The following ZNF140 variants were observed in gnomAD, a reference collection of about 807,000 sequenced individuals.
ZNF140 encodes zinc finger protein 140, also known as zinc finger protein 140 (clone pHZ-39).
ZNF140 carries 13 observed loss-of-function variants against 12.9 expected under a neutral mutation model. That is an observed-to-expected ratio of 1.01 (90% confidence interval 0.66 to 1.60). The LOEUF is 1.60. ZNF140 is among the 40% of genes most tolerant of loss of function. The pLI, the probability that ZNF140 is intolerant of heterozygous loss-of-function variation, is 0.00. For missense variants in ZNF140, 531 were observed against 548.8 expected, an observed-to-expected ratio of 0.97 and a Z score of 0.32; for synonymous variants, 214 against 186.7, an observed-to-expected ratio of 1.15 and a Z score of -1.19.
rs753312240 is a variant in ZNF140 at position 133,105,932 on chromosome 12, T to C, written c.655T>C (p.Cys219Arg). 3.7e-6 allele frequency: 6 copies of C among 1,614,102 alleles called. No homozygotes were observed. The highest frequency in any genetic ancestry group is 5.1e-6 in the Non-Finnish European group (6 of 1,180,012). ...ACATACTGGAAAGAAACCCCATGAG[T>C]GTAAGGACTGTAATAAAACATTCAG... Reference protein sequence around the residue: ...MIHTGKKPHECKDCNKTFSYL... With the variant: ...MIHTGKKPHERKDCNKTFSYL... Residue 219 changes from cysteine to arginine, a missense_variant, in exon 5 of 5, where the codon TGT becomes CGT. Physicochemically the swap from Cys to Arg is radical, Grantham distance 180. Coordinates refer to ENST00000355557, the MANE Select transcript of ZNF140 (RefSeq NM_003440.4).
At chr12:133,092,998 C>T (rs1954945566) in intron 4 of ZNF140, among the ~76,000 whole-genome samples, 1 of 150,954 alleles carries the variant, frequency 6.6e-6, no homozygotes, top group Non-Finnish European at 1.5e-5. Flanking sequence ...TCATTTGTGA[C>T]CCGATTGACA....
chr12:133,094,754 T>C (rs1955007996), intron 4 of ZNF140, among the ~76,000 whole-genome samples: 2 of 151,124 alleles, frequency 1.3e-5, no homozygotes, highest in South Asian at 4.2e-4. Context: ...GCAGCAAGCG[T>C]AGTTTCAGGC....
chr12:133,086,589 G>A (rs925961855), intron 4 of ZNF140, among the ~76,000 whole-genome samples: 5 of 152,068 alleles, frequency 3.3e-5, no homozygotes, highest in Non-Finnish European at 7.4e-5. Context: ...TCTTTCACAT[G>A]TGGCTTTTTT....
At chr12:133,105,488 C>CTT (rs145499725) in intron 4 of ZNF140, 22 bp from the exon 5 acceptor site, 838 of 1,511,356 alleles carry the variant, frequency 5.5e-4, no homozygotes, top group South Asian at 1.0e-3. Flanking sequence ...GAAACATTCA[C>CTT]TTTTTTTTTG....
In ZNF140 at chr12:133,105,654, A is replaced by G. The variant is rs1207742936; in HGVS notation, c.377A>G (p.His126Arg). 1.2e-5 allele frequency: 20 copies of G among 1,614,110 alleles called. No individual in the cohort carries two copies. Among genetic ancestry groups the G allele is most frequent in the Non-Finnish European group, 1.6e-5 (19 of 1,180,058 alleles). The part of the protein sequence containing the change: ...SFKGGWKCKD[H>R]TEMLQENQGC... Reference sequence around the variant, plus strand: ...AAAGGAGGCTGGAAATGCAAGGATCATACTGAGATGCTGCAAGAAAATCAG... The same window carrying G: ...AAAGGAGGCTGGAAATGCAAGGATCGTACTGAGATGCTGCAAGAAAATCAG... Residue 126 changes from histidine to arginine, a missense_variant, in exon 5 of 5, where the codon CAT (histidine) becomes CGT (arginine). By Grantham distance (29) the His-to-Arg change is conservative (BLOSUM62 0). Transcript: ENST00000355557.
intron 4 of ZNF140, among the ~76,000 whole-genome samples, chr12:133,090,783 C>T (rs1954834507): frequency 3.5e-5 from 5 of 140,954 alleles, no homozygotes; most frequent in Admixed American, 7.3e-5. Flanking sequence ...AGGAGAAGGT[C>T]AGCAAAAAAC....
At chr12:133,089,229 T>C (rs931704390) in intron 4 of ZNF140, among the ~76,000 whole-genome samples, 1 of 152,020 alleles carries the variant, frequency 6.6e-6, no homozygotes, top group Admixed American at 6.6e-5. Context: ...TTTTTTTTTT[T>C]CGAGGCAGGG....
intron 4 of ZNF140, among the ~76,000 whole-genome samples, chr12:133,087,663 A>G (rs1954718830): frequency 6.6e-6 from 1 of 152,194 alleles, no homozygotes; most frequent in South Asian, 2.1e-4. Flanking sequence ...ATGCTGAACT[A>G]AAGTAGACAT....
At chr12:133,103,738 T>C (rs1053790877) in intron 4 of ZNF140, among the ~76,000 whole-genome samples, 1 of 152,226 alleles carries the variant, frequency 6.6e-6, no homozygotes, top group African/African-American at 2.4e-5. Context: ...ATAATGAACT[T>C]GCTCTTGTGT....
chr12:133,085,158 G>A (rs1324843685), intron 4 of ZNF140, among the ~76,000 whole-genome samples: 1 of 152,052 alleles, frequency 6.6e-6, no homozygotes, highest in African/African-American at 2.4e-5. Context: ...CTGAGTAACT[G>A]GGACTACAGG....
intron 2 of ZNF140, 43 bp downstream of exon 2, chr12:133,081,372 A>ATATATATATATATAT (rs1954490088): frequency 1.5e-4 from 16 of 108,636 alleles, no homozygotes; most frequent in African/African-American, 6.3e-4. Flanking sequence ...TATATATATA[A>ATATATATATATATAT]ATTTTTATTT....
Position 133,102,399 on chromosome 12 carries a change from A to G in ZNF140, c.233-3111A>G, listed in dbSNP as rs1955379876. On this transcript the variant is annotated intron_variant, in intron 4 of 4. Coordinates refer to ENST00000355557, the MANE Select transcript of ZNF140 (RefSeq NM_003440.4). ...TACATCTAAAAAATTTCCTTGGAGT[A>G]TATTAGTTGCTGGTTTATCAAAGGA... 5.3e-5 allele frequency among the ~76,000 whole-genome samples: 8 copies of G among 152,268 alleles called. No homozygotes were observed. The South Asian group carries it at 1.7e-3, about 32-fold the overall frequency.
chr12:133,083,361 C>T, intron 3 of ZNF140, 105 bp from the exon 4 acceptor site: 1 of 1,499,282 alleles, frequency 6.7e-7, no homozygotes, highest in Non-Finnish European at 9.0e-7. Context: ...GACGTAACTG[C>T]ACCTTATTTT....
chr12:133,093,963 C>G (rs1402114234), intron 4 of ZNF140, among the ~76,000 whole-genome samples: 1 of 151,174 alleles, frequency 6.6e-6, no homozygotes, highest in Non-Finnish European at 1.5e-5. Context: ...CCTGTGTCCT[C>G]TCTCCTTCAC....
intron 4 of ZNF140, among the ~76,000 whole-genome samples, chr12:133,085,063 C>T (rs1954630359): frequency 6.6e-6 from 1 of 151,906 alleles, no homozygotes; most frequent in African/African-American, 2.4e-5. Flanking sequence ...TCGCTCTTGC[C>T]CCCTAGGCTG....
At position 133,096,136 on chromosome 12, in the gene ZNF140, C is replaced by T. The variant is rs1355545817; in HGVS notation, c.233-9374C>T. On this transcript the variant is annotated intron_variant, in intron 4 of 4. Transcript: ENST00000355557. Reference sequence around the variant, plus strand: ...ACATGGGGAGAAACCTTGGACAATACCCCGCTTCCAAGGGCAGAGGTCCCT... The same window carrying T: ...ACATGGGGAGAAACCTTGGACAATATCCCGCTTCCAAGGGCAGAGGTCCCT... 9.3e-5 allele frequency among the ~76,000 whole-genome samples: 14 copies of T among 151,344 alleles called. 1 individual carries two copies. Among genetic ancestry groups the T allele is most frequent in the Non-Finnish European group, 1.9e-4 (13 of 67,672 alleles).
chr12:133,105,619 T>C lies in ZNF140; in HGVS notation c.342T>C (p.Tyr114=). Residue 114 remains tyrosine, a synonymous_variant, in exon 5 of 5, where the codon TAT becomes TAC. Transcript: ENST00000355557. ...MERILSQGPV[Y]SSFKGGWKCK... ...GAATTCTAAGTCAAGGCCCTGTGTA[T>C]TCCAGTTTTAAAGGAGGCTGGAAAT... 1 of 1,614,202 alleles carries C rather than the reference T, an allele frequency of 6.2e-7. No homozygotes were observed. The highest frequency in any genetic ancestry group is 8.5e-7 in the Non-Finnish European group (1 of 1,180,036).
At chr12:133,084,300 C>A in intron 4 of ZNF140, 1 of 321,288 alleles carries the variant, frequency 3.1e-6, no homozygotes, top group Non-Finnish European at 5.9e-6. Flanking sequence ...AAGATTAATT[C>A]ATTACTCTTT....
intron 4 of ZNF140, among the ~76,000 whole-genome samples, chr12:133,092,820 TA>T (rs1954938927): frequency 2.6e-5 from 4 of 151,192 alleles, no homozygotes; most frequent in Non-Finnish European, 5.9e-5. Context: ...GCCCAGTCTA[TA>T]ATAGTTCCAA....
Sources: allele counts gnomAD v4.1 joint callset (sites outside exome capture counted in the v4.1 genomes callset), GRCh38; gene constraint gnomAD v4.1.1; transcripts MANE v1.5; gene names NCBI Gene and HGNC (gene_info 2026-07-23, HGNC 2026-07-21).